Variants in RBM19 observed in about 807,000 individuals in gnomAD.
RBM19 encodes the protein RNA binding motif protein 19.
Under a neutral mutation model 116.8 loss-of-function variants are expected in RBM19, and 94 were observed. The ratio of observed to expected loss-of-function variants is 0.80; its 90% CI spans 0.68 to 0.95. The LOEUF is 0.95. Among genes scored for constraint, RBM19 ranks in the 40% least tolerant of loss-of-function variants. RBM19 has a pLI of 0.00. For missense variants in RBM19, 1,161 were observed against 1,220.7 expected, an observed-to-expected ratio of 0.95 and a Z score of 0.73; for synonymous variants, 475 against 494.1, an observed-to-expected ratio of 0.96 and a Z score of 0.51.
intron 23 of RBM19, among the ~76,000 whole-genome samples, chr12:113,842,095 C>T (rs746651232): frequency 6.6e-6 from 1 of 152,236 alleles, no homozygotes; most frequent in Non-Finnish European, 1.5e-5. Context: ...ATCATTCTAT[C>T]TGCCCCTGTC....
chr12:113,862,584 A>AGCTTTTGAAGG (rs1279116732), intron 21 of RBM19, among the ~76,000 whole-genome samples: 2 of 152,220 alleles, frequency 1.3e-5, no homozygotes, highest in African/African-American at 2.4e-5. Flanking sequence ...TTTTAAGAGC[A>AGCTTTTGAAGG]GCTTTTGAAG....
In RBM19 at chr12:113,927,077, T is replaced by C. The variant is rs757681118; in HGVS notation, c.2221A>G (p.Thr741Ala). The change falls in exon 17 of 24, where the codon ACA (threonine) becomes GCA (alanine). Residue 741 changes from threonine to alanine, a missense_variant. Physicochemically the swap from Thr to Ala is moderately conservative, Grantham distance 58. Coordinates refer to ENST00000261741, the MANE Select transcript of RBM19 (RefSeq NM_016196.4). Reference sequence around the variant, plus strand: ...ACTTCCTTCAGCTTCTCTTCTGTTGTGTCAAAATTGAGATTCTTAATAAAC... The same window carrying C: ...ACTTCCTTCAGCTTCTCTTCTGTTGCGTCAAAATTGAGATTCTTAATAAAC... ...TLFIKNLNFD[T>A]TEEKLKEVFS... 4 of 1,613,576 alleles carry C rather than the reference T, an allele frequency of 2.5e-6. No homozygotes were observed. In the Admixed American group the frequency reaches 5.0e-5, roughly 20 times the overall value.
chr12:113,884,026 G>A (rs1367144439), intron 21 of RBM19, among the ~76,000 whole-genome samples: 1 of 151,336 alleles, frequency 6.6e-6, no homozygotes, highest in Non-Finnish European at 1.5e-5. Context: ...TGTAATCTCA[G>A]CACTTTGGGA....
intron 21 of RBM19, among the ~76,000 whole-genome samples, chr12:113,896,181 T>C (rs924291623): frequency 2.0e-5 from 3 of 152,092 alleles, no homozygotes; most frequent in Non-Finnish European, 1.5e-5. Context: ...TCGCTGGAGG[T>C]AGCTAGAATG....
At chr12:113,935,048 A>C (rs1230093350) in intron 16 of RBM19, among the ~76,000 whole-genome samples, 2 of 152,222 alleles carry the variant, frequency 1.3e-5, no homozygotes, top group Non-Finnish European at 2.9e-5. Context: ...TAGGAAACAA[A>C]TACAAGTAAC....
chr12:113,932,099 A>G (rs1473403), intron 16 of RBM19, among the ~76,000 whole-genome samples: 135,722 of 152,250 alleles, frequency 0.89, 60,660 homozygotes, highest in East Asian at 0.99. Flanking sequence ...GTGATCGAGA[A>G]GAGCTGTGAG....
intron 21 of RBM19, among the ~76,000 whole-genome samples, chr12:113,907,431 G>A (rs941429094): frequency 2.6e-5 from 4 of 152,138 alleles, no homozygotes; most frequent in South Asian, 4.1e-4. Context: ...TGCATCTCCC[G>A]TGGTGCAGAG....
chr12:113,835,252 G>C (rs1875772151), intron 23 of RBM19, among the ~76,000 whole-genome samples: 1 of 152,100 alleles, frequency 6.6e-6, no homozygotes, highest in Non-Finnish European at 1.5e-5. Flanking sequence ...TCATCATTCT[G>C]ATGATTAGGT....
At chr12:113,909,042 C>T (rs765043463) in intron 21 of RBM19, among the ~76,000 whole-genome samples, 2 of 152,144 alleles carry the variant, frequency 1.3e-5, no homozygotes, top group African/African-American at 2.4e-5. Flanking sequence ...ACTGCAGGAC[C>T]GCAGGACAGG....
intron 21 of RBM19, among the ~76,000 whole-genome samples, chr12:113,867,658 C>T (rs1371594436): frequency 1.3e-5 from 2 of 152,206 alleles, no homozygotes; most frequent in South Asian, 2.1e-4. Context: ...CGGTGGCTCA[C>T]ACCTGTAATC....
chr12:113,860,903 G>A (rs926248919), intron 21 of RBM19, among the ~76,000 whole-genome samples: 3 of 152,190 alleles, frequency 2.0e-5, no homozygotes, highest in Admixed American at 6.5e-5. Flanking sequence ...GTTTTGGAAC[G>A]AATAAACAAG....
rs559770724 is a variant in RBM19, at chr12:113,946,298, G to C, written c.1529+56C>G. On this transcript the variant is annotated intron_variant, in intron 12 of 23. Coordinates refer to ENST00000261741, the MANE Select transcript of RBM19 (RefSeq NM_016196.4). ...ACCCAGGTGGCTTAGAAAGGGCAGG[G>C]TGAGGGTGGCAGAGGGTTGGGGTTG... is the stretch of plus-strand genomic sequence containing the variant. 2.6e-5 allele frequency: 42 copies of C among 1,612,460 alleles called. No individual in the cohort carries two copies. In the African/African-American group the frequency reaches 5.2e-4, roughly 20 times the overall value.
intron 22 of RBM19, among the ~76,000 whole-genome samples, chr12:113,857,297 C>T (rs16943340): frequency 0.044 from 6,727 of 152,320 alleles, 366 homozygotes; most frequent in Admixed American, 0.15. Flanking sequence ...GAGAAGGAAA[C>T]GGTGTACTGG....
intron 23 of RBM19, among the ~76,000 whole-genome samples, chr12:113,842,216 A>G (rs956488060): frequency 1.3e-5 from 2 of 151,714 alleles, no homozygotes; most frequent in South Asian, 2.1e-4. Flanking sequence ...TTGGAACTCA[A>G]TTTATTGAAG....
At position 113,825,497 on chromosome 12, in the gene RBM19, A is replaced by C. The variant is rs1874781274; in HGVS notation, c.2786-2176T>G. On this transcript the variant is annotated intron_variant, in intron 23 of 23. Transcript: ENST00000261741. This position sits in a 1 kb window ranked among gnomAD's most constrained non-coding sequence, Gnocchi z 5.7. ...TTGTGGGCAGGTAATAGGAACTGGA[A>C]AATAGAACGCAACAAAACAGGGCCC... Among the ~76,000 whole-genome samples the C allele has an allele frequency of 6.6e-6, 1 of 152,194 alleles. No individual in the cohort carries two copies. The highest frequency in any genetic ancestry group is 2.4e-5 in the African/African-American group (1 of 41,458).
intron 21 of RBM19, among the ~76,000 whole-genome samples, chr12:113,861,498 GTGTGTGT>G (rs1174623350): frequency 6.6e-6 from 1 of 151,432 alleles, no homozygotes; most frequent in Non-Finnish European, 1.5e-5. Flanking sequence ...GTGTGTGTGT[GTGTGTGT>G]GTGTGTGTGA....
intron 22 of RBM19, among the ~76,000 whole-genome samples, chr12:113,857,793 C>T (rs1166940754): frequency 6.6e-6 from 1 of 152,256 alleles, no homozygotes; most frequent in African/African-American, 2.4e-5. Flanking sequence ...GGAGCTGCCA[C>T]CTTTGGCTCT....
At chr12:113,882,046 G>T (rs557711101) in intron 21 of RBM19, among the ~76,000 whole-genome samples, 2 of 152,334 alleles carry the variant, frequency 1.3e-5, no homozygotes, top group South Asian at 4.1e-4. Flanking sequence ...GGCCCCCATG[G>T]GCAAGTCACA....
intron 14 of RBM19, 86 bp from the exon 15 acceptor site, chr12:113,940,246 G>C (rs989274296): frequency 7.2e-7 from 1 of 1,387,538 alleles, no homozygotes; most frequent in Non-Finnish European, 9.9e-7. Flanking sequence ...GGGCTCTCCA[G>C]ACAAGGCTCT....
Sources: allele counts gnomAD v4.1 joint callset (sites outside exome capture counted in the v4.1 genomes callset), GRCh38; gene constraint gnomAD v4.1.1; non-coding constraint Gnocchi (gnomAD v3.1); transcripts MANE v1.5; gene names NCBI Gene and HGNC (gene_info 2026-07-23, HGNC 2026-07-21).